The following NTN1 variants were observed in gnomAD, a reference collection of about 807,000 sequenced individuals.
NTN1 encodes the protein netrin 1, also known as netrin-1.
In NTN1, 11 loss-of-function variants were observed where a neutral mutation model predicts 54.2. The observed-to-expected ratio is 0.20, with a 90% CI of 0.13 to 0.34. The LOEUF (loss-of-function observed/expected upper bound fraction) is 0.34. NTN1 is among the 10% of genes least tolerant of loss of function. NTN1 has a pLI of 1.00. For synonymous variants in NTN1, 371 were observed against 382.0 expected, an observed-to-expected ratio of 0.97 and a Z score of 0.33; for missense variants, 740 against 893.1, an observed-to-expected ratio of 0.83 and a Z score of 2.18.
chr17:9,190,719 G>C (rs1428183950), intron 5 of NTN1, among the ~76,000 whole-genome samples: 1 of 152,208 alleles, frequency 6.6e-6, no homozygotes, highest in East Asian at 1.9e-4. Flanking sequence ...GGACATGGTA[G>C]TGAGCGCCTG....
chr17:9,131,016 CTG>C (rs1257320021), intron 2 of NTN1, among the ~76,000 whole-genome samples: 1 of 152,194 alleles, frequency 6.6e-6, no homozygotes, highest in African/African-American at 2.4e-5. Flanking sequence ...CCCTAATTCT[CTG>C]TGTGTGTTCC....
At chr17:9,184,679 C>G (rs2092428125) in intron 5 of NTN1, among the ~76,000 whole-genome samples, 1 of 152,222 alleles carries the variant, frequency 6.6e-6, no homozygotes. Flanking sequence ...CTCACTCCCC[C>G]CATTTCTCTA....
intron 2 of NTN1, among the ~76,000 whole-genome samples, chr17:9,136,481 G>A (rs1299839704): frequency 1.3e-5 from 2 of 152,254 alleles, no homozygotes; most frequent in Admixed American, 6.5e-5. Context: ...GGAGGCTGAG[G>A]GAGGAGAATT....
At chr17:9,195,192 A>ACCGCCCCG (rs3031881) in intron 5 of NTN1, among the ~76,000 whole-genome samples, 4 of 142,520 alleles carry the variant, frequency 2.8e-5, no homozygotes, top group South Asian at 2.3e-4. Flanking sequence ...GGCGAGCTCT[A>ACCGCCCCG]CCACCCCTCC....
At chr17:9,068,837 A>T (rs72809978) in intron 2 of NTN1, among the ~76,000 whole-genome samples, 17,765 of 152,102 alleles carry the variant, frequency 0.12, 1,348 homozygotes, top group Non-Finnish European at 0.16. Flanking sequence ...CCTTTTCTTA[A>T]GTTAGACCCT....
In NTN1 at chr17:9,023,498, G is replaced by A. The variant is rs1307300123; in HGVS notation, c.1018+107G>A. The A allele has an allele frequency of 1.8e-5, 23 of 1,267,330 alleles. No homozygotes were observed. The East Asian group carries it at 7.2e-4, about 40-fold the overall frequency. 78.5% of individuals were successfully genotyped at this position (1,267,330 alleles called of 1,614,324 possible). The stretch of plus-strand genomic sequence containing the variant: ...GGAGCGCGGGTCGAGGGAACGGCGG[G>A]AGGCGCGTTCGCCGATGCCCGGGAC... On this transcript the variant is annotated intron_variant, in intron 2 of 6. Coordinates refer to ENST00000173229, the MANE Select transcript of NTN1 (RefSeq NM_004822.3).
chr17:9,207,996 G>A (rs187129247), intron 5 of NTN1, among the ~76,000 whole-genome samples: 2 of 152,322 alleles, frequency 1.3e-5, no homozygotes. Flanking sequence ...CACTTTGGGA[G>A]GCTGAGGCAG....
intron 2 of NTN1, among the ~76,000 whole-genome samples, chr17:9,151,115 C>T (rs1281049735): frequency 6.6e-6 from 1 of 152,160 alleles, no homozygotes; most frequent in Non-Finnish European, 1.5e-5. Flanking sequence ...TTATCTGCCC[C>T]CCACCCCTGT....
At chr17:9,233,384 C>G (rs1329019907) in intron 6 of NTN1, among the ~76,000 whole-genome samples, 3 of 152,020 alleles carry the variant, frequency 2.0e-5, no homozygotes, top group African/African-American at 7.3e-5. Flanking sequence ...CTGCACCGGC[C>G]GGACAGCTTT....
At chr17:9,226,021 G>A (rs1905528248) in intron 6 of NTN1, among the ~76,000 whole-genome samples, 1 of 152,170 alleles carries the variant, frequency 6.6e-6, no homozygotes, top group Non-Finnish European at 1.5e-5. Flanking sequence ...GAAGGCTGGG[G>A]CGGTGGGGGC....
At position 9,221,053 on chromosome 17, in the gene NTN1, A is replaced by C; in HGVS notation, c.1412-115A>C. 2 of 808,568 alleles carry C rather than the reference A, an allele frequency of 2.5e-6. No homozygotes were observed. The highest frequency in any genetic ancestry group is 4.4e-6 in the Non-Finnish European group (2 of 457,780). The allele number at this position is 808,568 out of a possible 1,614,324, so 50.1% of individuals were successfully genotyped here. ...GCCGCCTGCCCGCCCGGCCTGGCCC[A>C]TGGGTATCACAGGCCTCTGGCTATT... On this transcript the variant is annotated intron_variant, in intron 5 of 6. Transcript: ENST00000173229. This position sits in a 1 kb window ranked among gnomAD's most constrained non-coding sequence, Gnocchi z 4.5.
At chr17:9,193,938 A>AAAAAAACAAAAAAAAAAAAAAAAAC in intron 5 of NTN1, among the ~76,000 whole-genome samples, 1 of 108,306 alleles carries the variant, frequency 9.2e-6, no homozygotes, top group Admixed American at 1.0e-4. Context: ...AAAAAAAAAA[A>AAAAAAACAAAAAAAAAAAAAAAAAC]AAAAAACATT....
chr17:9,236,651 G>A (rs1388267067), intron 6 of NTN1, among the ~76,000 whole-genome samples: 1 of 152,246 alleles, frequency 6.6e-6, no homozygotes, highest in Non-Finnish European at 1.5e-5. Context: ...TCTGCTGGGG[G>A]TGGAAGGACA....
chr17:9,214,619 G>A (rs1483947060), intron 5 of NTN1, among the ~76,000 whole-genome samples: 1 of 152,168 alleles, frequency 6.6e-6, no homozygotes, highest in Non-Finnish European at 1.5e-5. Context: ...TTAGGAGATC[G>A]AGACCATCCT....
chr17:9,233,255 G>A (rs1905875736), intron 6 of NTN1, among the ~76,000 whole-genome samples: 1 of 152,116 alleles, frequency 6.6e-6, no homozygotes, highest in Admixed American at 6.5e-5. Context: ...GCAGCCCCCA[G>A]AGTCTGTGCT....
At chr17:9,067,059 C>G (rs1034205855) in intron 2 of NTN1, among the ~76,000 whole-genome samples, 1 of 148,338 alleles carries the variant, frequency 6.7e-6, no homozygotes, top group Admixed American at 6.8e-5. Context: ...CCGAGGTGGG[C>G]GGATCACATG....
intron 2 of NTN1, among the ~76,000 whole-genome samples, chr17:9,063,737 A>AC (rs2092006121): frequency 6.6e-6 from 1 of 151,734 alleles, no homozygotes; most frequent in Non-Finnish European, 1.5e-5. Flanking sequence ...TTTAGTAGAG[A>AC]TGGGGTTTCA....
intron 2 of NTN1, among the ~76,000 whole-genome samples, chr17:9,093,001 G>T (rs1001398408): frequency 1.3e-5 from 2 of 151,920 alleles, no homozygotes; most frequent in Admixed American, 6.6e-5. Context: ...CTTGTGATCC[G>T]CCCGCCTCGG....
At chr17:9,047,467 C>G (rs139676634) in intron 2 of NTN1, among the ~76,000 whole-genome samples, 7 of 152,258 alleles carry the variant, frequency 4.6e-5, no homozygotes, top group Non-Finnish European at 1.0e-4. Flanking sequence ...CTTTGTCATC[C>G]ATAAGAAGCG....
Sources: allele counts gnomAD v4.1 joint callset (sites outside exome capture counted in the v4.1 genomes callset), GRCh38; gene constraint gnomAD v4.1.1; non-coding constraint Gnocchi (gnomAD v3.1); transcripts MANE v1.5; gene names NCBI Gene and HGNC (gene_info 2026-07-23, HGNC 2026-07-21).